CCDC192: variants seen among roughly 807,000 people sequenced by gnomAD.
CCDC192 encodes coiled-coil domain-containing protein 192.
intron 2 of CCDC192, among the ~76,000 whole-genome samples, chr5:127,719,655 A>G (rs1444170965): frequency 6.6e-6 from 1 of 150,642 alleles, no homozygotes; most frequent in Admixed American, 6.6e-5. Context: ...CCATTCTCAC[A>G]TTGCTCTAAA....
At chr5:127,884,479 T>G (rs1001041650) in intron 6 of CCDC192, among the ~76,000 whole-genome samples, 3 of 151,808 alleles carry the variant, frequency 2.0e-5, no homozygotes, top group Non-Finnish European at 2.9e-5. Flanking sequence ...CTTATGGTAC[T>G]TGCAATCAAG....
At chr5:127,865,070 C>A (rs1461398491) in intron 5 of CCDC192, among the ~76,000 whole-genome samples, 2 of 152,110 alleles carry the variant, frequency 1.3e-5, no homozygotes, top group Admixed American at 6.6e-5. Flanking sequence ...TTGCTTCAAC[C>A]CGGGAGGCGG....
intron 5 of CCDC192, among the ~76,000 whole-genome samples, chr5:127,851,276 C>G (rs1393272244): frequency 1.3e-5 from 2 of 152,190 alleles, no homozygotes; most frequent in Non-Finnish European, 2.9e-5. Context: ...CAGGCCAATT[C>G]AGCTTCCTAC....
intron 5 of CCDC192, among the ~76,000 whole-genome samples, chr5:127,842,347 A>G (rs913826296): frequency 3.9e-5 from 6 of 152,182 alleles, no homozygotes; most frequent in Non-Finnish European, 5.9e-5. Context: ...GCCTCGAAGT[A>G]GCTGGGATGA....
At chr5:127,800,394 A>AAAAAAAAAAAAAAAAAAAAAAAAAAAAG (rs1561495779) in intron 5 of CCDC192, among the ~76,000 whole-genome samples, 1 of 138,344 alleles carries the variant, frequency 7.2e-6, no homozygotes, top group Non-Finnish European at 1.6e-5. Context: ...AAAAAAAAAA[A>AAAAAAAAAAAAAAAAAAAAAAAAAAAAG]AAAAAAACAA....
intron 5 of CCDC192, among the ~76,000 whole-genome samples, chr5:127,818,105 A>G (rs974453157): frequency 2.6e-5 from 4 of 152,164 alleles, no homozygotes; most frequent in South Asian, 4.1e-4. Flanking sequence ...TCTAAAATCA[A>G]TGGGCGTAGT....
chr5:127,793,011 T>C (rs1756967691), intron 3 of CCDC192, among the ~76,000 whole-genome samples: 1 of 152,112 alleles, frequency 6.6e-6, no homozygotes, highest in Admixed American at 6.5e-5. Context: ...AAATACAGCA[T>C]AGATTGGGTG....
chr5:127,882,371 A>G (rs1446053162), intron 6 of CCDC192, among the ~76,000 whole-genome samples: 1 of 152,160 alleles, frequency 6.6e-6, no homozygotes, highest in African/African-American at 2.4e-5. Flanking sequence ...TTTTATCATG[A>G]TGCCCACCCC....
chr5:127,756,261 G>A (rs994202591), intron 3 of CCDC192, among the ~76,000 whole-genome samples: 2 of 152,164 alleles, frequency 1.3e-5, no homozygotes, highest in Non-Finnish European at 2.9e-5. Context: ...TATCAAGACA[G>A]GGGAATTACA....
chr5:127,845,033 C>A (rs1750471234), intron 5 of CCDC192, among the ~76,000 whole-genome samples: 1 of 152,148 alleles, frequency 6.6e-6, no homozygotes, highest in South Asian at 2.1e-4. Flanking sequence ...TAAGAAGGGT[C>A]ATGTGTGGAA....
intron 2 of CCDC192, among the ~76,000 whole-genome samples, chr5:127,712,470 C>T (rs1561440535): frequency 6.6e-6 from 1 of 152,334 alleles, no homozygotes; most frequent in South Asian, 2.1e-4. Flanking sequence ...GATATCTGCA[C>T]ATTCCTGTTC....
chr5:127,904,951 A>G (rs1753156023), intron 6 of CCDC192, among the ~76,000 whole-genome samples: 1 of 152,064 alleles, frequency 6.6e-6, no homozygotes, highest in African/African-American at 2.4e-5. Context: ...GACAATGAAA[A>G]GCCTCTGTGC....
chr5:127,804,758 A>C (rs1014390981), intron 5 of CCDC192, among the ~76,000 whole-genome samples: 1 of 152,180 alleles, frequency 6.6e-6, no homozygotes, highest in East Asian at 1.9e-4. Context: ...CATTCTGCTA[A>C]AGTCTGAAAT....
intron 5 of CCDC192, among the ~76,000 whole-genome samples, chr5:127,825,592 T>G (rs1048083352): frequency 6.6e-6 from 1 of 152,234 alleles, no homozygotes; most frequent in Non-Finnish European, 1.5e-5. Context: ...TCCACACCCC[T>G]AGGTGCTTCT....
chr5:127,817,500 A>T (rs1304246663), intron 5 of CCDC192, among the ~76,000 whole-genome samples: 1 of 152,240 alleles, frequency 6.6e-6, no homozygotes, highest in Non-Finnish European at 1.5e-5. Context: ...ATGGACAAAC[A>T]TTGAAAATAC....
Position 127,757,790 on chromosome 5 carries a change from ACACACACACTCT to A in CCDC192, c.222+3417_222+3428del, listed in dbSNP as rs1414938118. 7.1e-5 allele frequency among the ~76,000 whole-genome samples: 7 copies of A among 98,678 alleles called. No individual in the cohort carries two copies. In the East Asian group the frequency reaches 1.1e-3, roughly 15 times the overall value. 64.7% of individuals were successfully genotyped at this position (98,678 alleles called of 152,430 possible). A position where few individuals can be genotyped will look rare whatever the true frequency, so the allele number is the denominator to read the frequency against. On this transcript the variant is annotated intron_variant, in intron 3 of 6. Transcript: ENST00000514853. ...ATTACACACACACACACACACACAC[ACACACACACTCT>A]CTCTCTCTCTCTCTCTCAATCTGTG...
chr5:127,759,279 C>T (rs1265815324), intron 3 of CCDC192, among the ~76,000 whole-genome samples: 1 of 151,992 alleles, frequency 6.6e-6, no homozygotes, highest in African/African-American at 2.4e-5. Context: ...TGTCCCCCTG[C>T]CAAAAAGAAA....
At chr5:127,767,949 A>T (rs993216143) in intron 3 of CCDC192, among the ~76,000 whole-genome samples, 1 of 152,244 alleles carries the variant, frequency 6.6e-6, no homozygotes, top group East Asian at 1.9e-4. Flanking sequence ...GTCATTGCAC[A>T]TGTAAGTAGT....
intron 2 of CCDC192, among the ~76,000 whole-genome samples, chr5:127,708,661 G>C (rs921148888): frequency 6.6e-6 from 1 of 152,210 alleles, no homozygotes; most frequent in South Asian, 2.1e-4. Context: ...AACTCTCCGA[G>C]CTTTACTTTT....
Sources: allele counts gnomAD v4.1 joint callset (sites outside exome capture counted in the v4.1 genomes callset), GRCh38; gene constraint gnomAD v4.1.1; transcripts MANE v1.5; gene names NCBI Gene and HGNC (gene_info 2026-07-23, HGNC 2026-07-21).